Variants in SMAP1 observed in about 807,000 individuals in gnomAD.
The protein encoded by SMAP1 is small ArfGAP 1.
SMAP1 carries 24 observed loss-of-function variants against 58.5 expected under a neutral mutation model. The ratio of observed to expected loss-of-function variants is 0.41; its 90% confidence interval spans 0.30 to 0.58. The LOEUF is 0.58. Ranked by LOEUF, SMAP1 falls within the 20% of genes least tolerant of loss-of-function variation. SMAP1 has a pLI of 0.29. For missense variants in SMAP1, 563 were observed against 566.3 expected (o/e 0.99, Z 0.06); for synonymous variants, 216 against 196.6 (o/e 1.10, Z -0.82).
At chr6:70,694,828 C>G (rs1037890275) in intron 1 of SMAP1, among the ~76,000 whole-genome samples, 6 of 152,194 alleles carry the variant, frequency 3.9e-5, no homozygotes, top group African/African-American at 1.2e-4. Context: ...AGGATAATGT[C>G]TGTTGTTTAC....
At chr6:70,672,514 T>C (rs904719195) in intron 1 of SMAP1, among the ~76,000 whole-genome samples, 8 of 152,218 alleles carry the variant, frequency 5.3e-5, no homozygotes, top group African/African-American at 1.9e-4. Context: ...ATTGCACTTA[T>C]CACAATTGTA....
rs969670290 is a variant in SMAP1 at position 70,783,145 on chromosome 6, A to G, written c.415-8544A>G. 4.6e-5 allele frequency among the ~76,000 whole-genome samples: 7 copies of G among 152,310 alleles called. 1 individual carries two copies. The South Asian group carries it at 1.4e-3, about 32-fold the overall frequency. ...GGTTCATGAAAATCCGCTGTTCTACAGCCACCGCTTTCCTGTAGCCACCGC... is the reference window on the plus strand; with the variant it reads ...GGTTCATGAAAATCCGCTGTTCTACGGCCACCGCTTTCCTGTAGCCACCGC... On this transcript the variant is annotated intron_variant, in intron 4 of 10. Transcript: ENST00000370455.
At chr6:70,812,846 G>T (rs951758816) in intron 6 of SMAP1, among the ~76,000 whole-genome samples, 2 of 152,048 alleles carry the variant, frequency 1.3e-5, no homozygotes, top group Non-Finnish European at 2.9e-5. Flanking sequence ...TGTCTCAGTA[G>T]CTCTGATTTA....
At chr6:70,852,282 T>C (rs1771214028) in intron 7 of SMAP1, among the ~76,000 whole-genome samples, 1 of 152,098 alleles carries the variant, frequency 6.6e-6, no homozygotes, top group Non-Finnish European at 1.5e-5. Flanking sequence ...ATGTGAATAG[T>C]ATGATACCAT....
intron 3 of SMAP1, among the ~76,000 whole-genome samples, chr6:70,757,853 TAAA>T (rs1766567331): frequency 6.6e-6 from 1 of 151,994 alleles, no homozygotes; most frequent in South Asian, 2.1e-4. Context: ...TGGCAATCAT[TAAA>T]AAGTCAGGAA....
chr6:70,759,559 GTA>G (rs1225314697), intron 3 of SMAP1, among the ~76,000 whole-genome samples: 1 of 152,060 alleles, frequency 6.6e-6, no homozygotes, highest in Non-Finnish European at 1.5e-5. Flanking sequence ...GGGCAGGACA[GTA>G]TATATCTTCT....
Position 70,861,868 on chromosome 6 carries a change from C to CTGT in SMAP1, c.*1539_*1541dup, listed in dbSNP as rs745561732. On this transcript the variant is annotated 3_prime_UTR_variant, in exon 11 of 11. Transcript: ENST00000370455. ...TTTGCTTTCGGTTCCAGTTCTTCGACTGTTGTTATCTGTTTGAGAAAGTCA... is the reference window on the plus strand; with the variant it reads ...TTTGCTTTCGGTTCCAGTTCTTCGACTGTTGTTGTTATCTGTTTGAGAAAGTCA... 24 of 1,614,012 alleles carry CTGT rather than the reference C, an allele frequency of 1.5e-5. No individual in the cohort carries two copies. Among genetic ancestry groups the CTGT allele is most frequent in the Non-Finnish European group, 1.9e-5 (22 of 1,179,974 alleles).
chr6:70,853,671 T>C (rs1199051464), intron 8 of SMAP1, among the ~76,000 whole-genome samples: 2 of 152,242 alleles, frequency 1.3e-5, no homozygotes, highest in African/African-American at 4.8e-5. Context: ...CAGTAGTGTT[T>C]ATTTTCAGCA....
At chr6:70,747,864 T>A (rs1766109164) in intron 2 of SMAP1, among the ~76,000 whole-genome samples, 1 of 152,184 alleles carries the variant, frequency 6.6e-6, no homozygotes, top group Admixed American at 6.6e-5. Context: ...TAAATCAATA[T>A]CTGAGAATAT....
intron 2 of SMAP1, among the ~76,000 whole-genome samples, chr6:70,749,420 C>T (rs1246243202): frequency 6.6e-6 from 1 of 152,164 alleles, no homozygotes; most frequent in Non-Finnish European, 1.5e-5. Flanking sequence ...TAATTTTCTT[C>T]CTCCAGATTA....
intron 2 of SMAP1, among the ~76,000 whole-genome samples, chr6:70,749,029 A>T (rs910570186): frequency 2.0e-5 from 3 of 152,190 alleles, no homozygotes; most frequent in Non-Finnish European, 4.4e-5. Context: ...GTGTTCTCAC[A>T]CTGCTATAAA....
intron 1 of SMAP1, among the ~76,000 whole-genome samples, chr6:70,685,418 G>A (rs1168006843): frequency 6.6e-6 from 1 of 151,952 alleles, no homozygotes; most frequent in East Asian, 1.9e-4. Context: ...AACACAGAGT[G>A]TATTCTGGAA....
At chr6:70,755,344 T>C (rs1766443253) in intron 3 of SMAP1, among the ~76,000 whole-genome samples, 1 of 152,040 alleles carries the variant, frequency 6.6e-6, no homozygotes, top group Admixed American at 6.6e-5. Context: ...CTTACGATTT[T>C]TCCACTTCAT....
At chr6:70,847,472 T>C (rs1198064930) in intron 7 of SMAP1, among the ~76,000 whole-genome samples, 1 of 152,212 alleles carries the variant, frequency 6.6e-6, no homozygotes, top group Non-Finnish European at 1.5e-5. Context: ...CCTAACATCT[T>C]AAGGTAATGA....
chr6:70,763,941 T>G lies in SMAP1; in HGVS notation c.338+8876T>G, dbSNP rs192123317. 2.2e-3 allele frequency among the ~76,000 whole-genome samples: 335 copies of G among 152,220 alleles called. 3 individuals carry two copies. In the South Asian group the frequency reaches 0.025, roughly 11 times the overall value. ...TTGTTTTGTCTGTTGTTTTGACAGGTTCTCACTGTGTCACCCAGGCTGGAA... is the reference window on the plus strand; with the variant it reads ...TTGTTTTGTCTGTTGTTTTGACAGGGTCTCACTGTGTCACCCAGGCTGGAA... On this transcript the variant is annotated intron_variant, in intron 3 of 10. Transcript: ENST00000370455.
At chr6:70,791,849 A>G in intron 5 of SMAP1, 80 bp downstream of exon 5, 1 of 1,210,958 alleles carries the variant, frequency 8.3e-7, no homozygotes, top group Non-Finnish European at 1.2e-6. Flanking sequence ...TCATTCGGGA[A>G]CACTATAATA....
At chr6:70,701,910 A>G (rs1767645617) in intron 1 of SMAP1, among the ~76,000 whole-genome samples, 1 of 152,098 alleles carries the variant, frequency 6.6e-6, no homozygotes, top group Non-Finnish European at 1.5e-5. Context: ...CTGTTTGTTC[A>G]TCTTGCTCTG....
At chr6:70,674,119 TTTTTC>T (rs1196382463) in intron 1 of SMAP1, among the ~76,000 whole-genome samples, 1 of 151,862 alleles carries the variant, frequency 6.6e-6, no homozygotes, top group African/African-American at 2.4e-5. Flanking sequence ...TGGCATTTTT[TTTTTC>T]TTTTTTTTTC....
intron 1 of SMAP1, among the ~76,000 whole-genome samples, chr6:70,681,189 C>A (rs1332058008): frequency 6.6e-6 from 1 of 151,622 alleles, no homozygotes; most frequent in Non-Finnish European, 1.5e-5. Context: ...GAGGCCAACG[C>A]AGGTGACTCA....
Sources: allele counts gnomAD v4.1 joint callset (sites outside exome capture counted in the v4.1 genomes callset), GRCh38; gene constraint gnomAD v4.1.1; transcripts MANE v1.5; gene names NCBI Gene and HGNC (gene_info 2026-07-23, HGNC 2026-07-21).